LINGO2: variants seen among roughly 807,000 people sequenced by gnomAD.
LINGO2 encodes leucine-rich repeat and immunoglobulin-like domain-containing nogo receptor-interacting protein 2.
A neutral mutation model predicts 30.6 loss-of-function variants in LINGO2; 14 were observed. That is an observed-to-expected ratio of 0.46 (90% CI 0.30 to 0.72). LINGO2 has a LOEUF of 0.72. LINGO2 is among the 30% of genes least tolerant of loss of function. LINGO2 has a pLI of 0.07. For synonymous variants in LINGO2, 317 were observed against 288.5 expected, an observed-to-expected ratio of 1.10 and a Z score of -1.00; for missense variants, 729 against 751.7, an observed-to-expected ratio of 0.97 and a Z score of 0.35.
intron 1 of LINGO2, among the ~76,000 whole-genome samples, chr9:28,493,470 T>C (rs1002641165): frequency 3.9e-5 from 6 of 152,220 alleles, no homozygotes; most frequent in Admixed American, 6.6e-5. Context: ...ATTGGAGATA[T>C]ATTGGTAAAT....
At chr9:28,722,144 A>C in the LINGO2 span, among the ~76,000 whole-genome samples, 1 of 152,134 alleles carries the variant, frequency 6.6e-6, no homozygotes, top group Admixed American at 6.6e-5. Flanking sequence ...TATTTCAAGA[A>C]ATGACATAAA....
chr9:27,975,318 G>C (rs1820543481), intron 5 of LINGO2, among the ~76,000 whole-genome samples: 1 of 151,766 alleles, frequency 6.6e-6, no homozygotes, highest in African/African-American at 2.4e-5. Flanking sequence ...CTACTATGTA[G>C]AATTTGGTTT....
the LINGO2 span, among the ~76,000 whole-genome samples, chr9:28,862,208 C>T: frequency 3.4e-4 from 52 of 152,132 alleles, no homozygotes; most frequent in East Asian, 9.5e-3. Flanking sequence ...AATCCCAGAG[C>T]TCTGTGGATT....
At chr9:28,421,643 G>A (rs1476594780) in intron 2 of LINGO2, among the ~76,000 whole-genome samples, 6 of 152,050 alleles carry the variant, frequency 3.9e-5, no homozygotes, top group Non-Finnish European at 5.9e-5. Flanking sequence ...ACCCACATAT[G>A]TGAAAAGTCC....
intron 4 of LINGO2, among the ~76,000 whole-genome samples, chr9:28,286,467 C>G (rs902737403): frequency 1.3e-5 from 2 of 152,142 alleles, no homozygotes; most frequent in Non-Finnish European, 2.9e-5. Context: ...GGGTATACAC[C>G]TAAAGGAATA....
the LINGO2 span, among the ~76,000 whole-genome samples, chr9:29,166,338 C>T: frequency 2.0e-5 from 3 of 152,086 alleles, no homozygotes; most frequent in African/African-American, 4.8e-5. Context: ...ACACGTTTTA[C>T]TTAAGCCAGA....
intron 5 of LINGO2, among the ~76,000 whole-genome samples, chr9:27,999,721 C>T (rs1821852693): frequency 6.6e-6 from 1 of 152,112 alleles, no homozygotes; most frequent in African/African-American, 2.4e-5. Context: ...CAATGAAAGA[C>T]TGACTGTGCA....
chr9:28,967,865 AG>A, the LINGO2 span, among the ~76,000 whole-genome samples: 2 of 152,334 alleles, frequency 1.3e-5, no homozygotes, highest in African/African-American at 4.8e-5. Flanking sequence ...AAGACAGAGA[AG>A]ATTTATGCAA....
chr9:28,968,649 A>G, the LINGO2 span, among the ~76,000 whole-genome samples: 2 of 152,250 alleles, frequency 1.3e-5, no homozygotes, highest in South Asian at 4.2e-4. Flanking sequence ...CTGTGTTCCA[A>G]TATAAATGCA....
At position 28,223,633 on chromosome 9, in the gene LINGO2, A is replaced by G. The variant is rs77581776; in HGVS notation, c.-87+71575T>C. On this transcript the variant is annotated intron_variant, in intron 4 of 5. Transcript: ENST00000379992. Reference sequence around the variant, plus strand: ...TGGAAACAAAAAGACTAGTTTAATCACCAAAGAAATAATCTAGGCAGGAGA... The same window carrying G: ...TGGAAACAAAAAGACTAGTTTAATCGCCAAAGAAATAATCTAGGCAGGAGA... Among the ~76,000 whole-genome samples, 756 of 152,296 alleles carry G rather than the reference A, an allele frequency of 5.0e-3. 5 individuals carry two copies. Among genetic ancestry groups the G allele is most frequent in the Middle Eastern group, 0.017 (5 of 294 alleles).
chr9:28,981,989 A>C, the LINGO2 span, among the ~76,000 whole-genome samples: 1 of 152,148 alleles, frequency 6.6e-6, no homozygotes. Context: ...CAGCAGAGAA[A>C]TAGAAGTCTA....
At chr9:28,022,331 T>C (rs976140932) in intron 4 of LINGO2, among the ~76,000 whole-genome samples, 2 of 152,056 alleles carry the variant, frequency 1.3e-5, no homozygotes, top group African/African-American at 4.8e-5. Flanking sequence ...TTGCTACTAT[T>C]AAACAGTTCT....
the LINGO2 span, among the ~76,000 whole-genome samples, chr9:28,899,501 C>A: frequency 6.6e-6 from 1 of 152,194 alleles, no homozygotes; most frequent in South Asian, 2.1e-4. Flanking sequence ...CCCAGTGGCT[C>A]CCTCCAGACT....
the LINGO2 span, among the ~76,000 whole-genome samples, chr9:28,995,079 G>C: frequency 2.0e-5 from 3 of 151,834 alleles, no homozygotes; most frequent in Admixed American, 6.6e-5. Context: ...AGAGTGAACA[G>C]GCAACCTACA....
At chr9:28,781,213 T>A in the LINGO2 span, among the ~76,000 whole-genome samples, 2 of 152,026 alleles carry the variant, frequency 1.3e-5, no homozygotes, top group African/African-American at 4.8e-5. Flanking sequence ...CCCAAGCCCA[T>A]ATGATCTGAG....
chr9:28,286,283 G>A (rs1823505372), intron 4 of LINGO2, among the ~76,000 whole-genome samples: 1 of 152,104 alleles, frequency 6.6e-6, no homozygotes, highest in South Asian at 2.1e-4. Flanking sequence ...CAGTCAGAAT[G>A]GCTACTATTA....
chr9:28,673,744 C>A (rs1487035255), upstream of LINGO2, among the ~76,000 whole-genome samples: 1 of 151,730 alleles, frequency 6.6e-6, no homozygotes. Flanking sequence ...TATGAAAAAT[C>A]AGTTTCATAA....
Position 28,362,658 on chromosome 9 carries a change from C to T in LINGO2, c.-246+10178G>A, listed in dbSNP as rs369327446. Among the ~76,000 whole-genome samples, 17 of 151,964 alleles carry T rather than the reference C, an allele frequency of 1.1e-4. No individual in the cohort carries two copies. The East Asian group carries it at 1.9e-3, about 17-fold the overall frequency. On this transcript the variant is annotated intron_variant, in intron 3 of 5. Coordinates refer to ENST00000379992, the Ensembl canonical transcript of LINGO2. ...GCTAATTTTGTATTTTTAGTAGAGACGGGGTTTCTCCACGTTGGTCAGGCT... is the reference window on the plus strand; with the variant it reads ...GCTAATTTTGTATTTTTAGTAGAGATGGGGTTTCTCCACGTTGGTCAGGCT...
At chr9:29,170,068 A>T in the LINGO2 span, among the ~76,000 whole-genome samples, 7 of 152,120 alleles carry the variant, frequency 4.6e-5, no homozygotes, top group African/African-American at 1.7e-4. Context: ...TAAAAATGGG[A>T]CTAATATTCA....
Sources: allele counts gnomAD v4.1 joint callset (sites outside exome capture counted in the v4.1 genomes callset), GRCh38; gene constraint gnomAD v4.1.1; transcripts MANE v1.5; gene names NCBI Gene and HGNC (gene_info 2026-07-23, HGNC 2026-07-21).